Variants in DLGAP5 observed in about 807,000 individuals in gnomAD.
DLGAP5 encodes disks large-associated protein 5.
DLGAP5 carries 90 observed loss-of-function variants against 99.6 expected under a neutral mutation model. The observed-to-expected ratio is 0.90, with a 90% CI of 0.76 to 1.08. DLGAP5 has a LOEUF of 1.08. Among genes scored for constraint, DLGAP5 ranks in the 50% least tolerant of loss-of-function variants. The pLI, the probability that DLGAP5 is intolerant of heterozygous loss-of-function variation, is 0.00. For synonymous variants in DLGAP5, 311 were observed against 321.3 expected, an observed-to-expected ratio of 0.97 and a Z score of 0.34; for missense variants, 1,036 against 983.5, an observed-to-expected ratio of 1.05 and a Z score of -0.71.
intron 10 of DLGAP5, among the ~76,000 whole-genome samples, chr14:55,172,242 C>T (rs1242971836): frequency 6.7e-6 from 1 of 148,788 alleles, no homozygotes. Context: ...CCAGCCAGCA[C>T]TTTGTGAGGC....
rs747757287 is a variant in DLGAP5, at chr14:55,151,735, A to G, written c.2328T>C (p.Asn776=). The G allele has an allele frequency of 3.1e-6, 5 of 1,613,782 alleles. No homozygotes were observed. The highest frequency in any genetic ancestry group is 1.7e-4 in the Middle Eastern group (1 of 6,056). The change falls in exon 17 of 19, where the codon AAT becomes AAC. Residue 776 remains asparagine (N), a synonymous_variant. Coordinates refer to ENST00000247191, the MANE Select transcript of DLGAP5 (RefSeq NM_014750.5). ...TAGTTTCCCCTTCTTCTAAGATGCT[A>G]TTTTGTGAAGCTGTATTTTTTTCAG... is the stretch of plus-strand genomic sequence containing the variant. ...SSPEKNTASQ[N]SILEEGETKI...
rs1348799347 is a variant in DLGAP5 at position 55,158,524 on chromosome 14, G to C, written c.1871C>G (p.Ser624Ter). The change falls in exon 14 of 19, where the codon TCA becomes TGA. Residue 624 changes from serine (S) to a stop codon, truncating the protein, a stop_gained and splice_region_variant. Coordinates refer to ENST00000247191, the MANE Select transcript of DLGAP5 (RefSeq NM_014750.5). LOFTEE classifies it high-confidence loss of function. ...ATAAAAAATCAAAAACAACTAACCT[G>C]AGAATAATTTAACAGGACTTTCAAC... Reference protein sequence around the residue: ...FRVESPVKLFSGLSVSSEGPS... With the variant: ...FRVESPVKLF 1 of 1,612,220 alleles carries C rather than the reference G, an allele frequency of 6.2e-7. No individual in the cohort carries two copies. Among genetic ancestry groups the C allele is most frequent in the East Asian group, 2.2e-5 (1 of 44,824 alleles).
At chr14:55,186,169 G>A (rs952017357) in intron 2 of DLGAP5, among the ~76,000 whole-genome samples, 5 of 152,188 alleles carry the variant, frequency 3.3e-5, no homozygotes, top group Non-Finnish European at 5.9e-5. Flanking sequence ...ACTCAGGAAG[G>A]CTGAGGCAGG....
At chr14:55,174,903 A>ATG (rs1883003711) in intron 10 of DLGAP5, among the ~76,000 whole-genome samples, 1 of 152,108 alleles carries the variant, frequency 6.6e-6, no homozygotes, top group African/African-American at 2.4e-5. Flanking sequence ...GTTAGACAGG[A>ATG]TGGTCTCGAT....
Position 55,152,626 on chromosome 14 carries a change from C to T in DLGAP5, c.2085G>A (p.Gln695=). The change falls in exon 16 of 19, where the codon CAG becomes CAA. Residue 695 remains glutamine, a synonymous_variant. Coordinates refer to ENST00000247191, the MANE Select transcript of DLGAP5 (RefSeq NM_014750.5). ...CAATTAAATCTGGTAATCCAGGACA[C>T]TGAGCATCTTCTATGCTGCTCCTAA... ...PESRSSIEDA[Q]CPGLPDLIEE... 4 of 1,602,238 alleles carry T rather than the reference C, an allele frequency of 2.5e-6. No individual in the cohort carries two copies. Among genetic ancestry groups the T allele is most frequent in the Non-Finnish European group, 3.4e-6 (4 of 1,175,320 alleles).
chr14:55,155,804 AT>A (rs1008878380), intron 14 of DLGAP5, among the ~76,000 whole-genome samples: 1 of 151,562 alleles, frequency 6.6e-6, no homozygotes, highest in African/African-American at 2.4e-5. Context: ...AGAAAAATGA[AT>A]TGGCCGGGCG....
At chr14:55,161,880 A>G (rs1882453255) in intron 13 of DLGAP5, among the ~76,000 whole-genome samples, 2 of 133,578 alleles carry the variant, frequency 1.5e-5, no homozygotes, top group African/African-American at 5.0e-5. Flanking sequence ...GTCTCAAAAA[A>G]AAAAAAAAAA....
At chr14:55,190,492 C>G (rs142549872) in intron 1 of DLGAP5, among the ~76,000 whole-genome samples, 1 of 152,140 alleles carries the variant, frequency 6.6e-6, no homozygotes, top group Non-Finnish European at 1.5e-5. Flanking sequence ...AGAGAACTAC[C>G]AAGCCAAACT....
At chr14:55,174,828 C>G (rs757120974) in intron 10 of DLGAP5, among the ~76,000 whole-genome samples, 4 of 152,076 alleles carry the variant, frequency 2.6e-5, no homozygotes, top group Non-Finnish European at 4.4e-5. Context: ...GTAGCTGGGA[C>G]TACAGGCGTG....
rs2274271 is a variant in DLGAP5 at position 55,188,974 on chromosome 14, C to T, written c.206G>A (p.Gly69Glu). The T allele has an allele frequency of 0.14, 228,338 of 1,612,902 alleles. 32,793 individuals carry two copies. Among genetic ancestry groups the T allele is most frequent in the African/African-American group, 0.76 (56,849 of 74,798 alleles). ...AACATTGGTCTTTTCTGGAACAAGCCCTTGAGATGTCTCATCTAATTCAAC... is the reference window on the plus strand; with the variant it reads ...AACATTGGTCTTTTCTGGAACAAGCTCTTGAGATGTCTCATCTAATTCAAC... ...ILVELDETSQ[G>E]LVPEKTNVKP... The change falls in exon 2 of 19, where the codon GGG becomes GAG. Residue 69 changes from glycine to glutamate, a missense_variant. Transcript: ENST00000247191.
intron 10 of DLGAP5, among the ~76,000 whole-genome samples, chr14:55,171,845 A>G (rs1352558855): frequency 6.6e-6 from 1 of 152,232 alleles, no homozygotes; most frequent in Non-Finnish European, 1.5e-5. Context: ...ATGCTAAGTG[A>G]AATAAGCCAG....
At chr14:55,175,584 A>G (rs1883033013) in intron 9 of DLGAP5, 112 bp from the exon 10 acceptor site, 1 of 754,122 alleles carries the variant, frequency 1.3e-6, no homozygotes, top group African/African-American at 1.8e-5. Flanking sequence ...TTAAAATTTT[A>G]TTTCTGCCTC....
chr14:55,154,785 C>G lies in DLGAP5; in HGVS notation c.1895G>C (p.Gly632Ala). 1 of 1,613,908 alleles carries G rather than the reference C, an allele frequency of 6.2e-7. No homozygotes were observed. The highest frequency in any genetic ancestry group is 8.5e-7 in the Non-Finnish European group (1 of 1,179,978). Reference sequence around the variant, plus strand: ...AGGTGTTCCAAGTCTTTGAGAAGGGCCTTCAGAAGAGACAGAAAGTCCTAG... The same window carrying G: ...AGGTGTTCCAAGTCTTTGAGAAGGGGCTTCAGAAGAGACAGAAAGTCCTAG... ...LFSGLSVSSE[G>A]PSQRLGTPKS... Residue 632 changes from glycine (G) to alanine (A), a missense_variant, in exon 15 of 19, where the codon GGC (glycine) becomes GCC (alanine). By Grantham distance (60) the Gly-to-Ala change is moderately conservative. Coordinates refer to ENST00000247191, the MANE Select transcript of DLGAP5 (RefSeq NM_014750.5).
chr14:55,163,259 C>T lies in DLGAP5; in HGVS notation c.1549-184G>A, dbSNP rs141516806. 8.7e-3 allele frequency among the ~76,000 whole-genome samples: 1,321 copies of T among 152,214 alleles called. 20 individuals are homozygous for T. Among genetic ancestry groups the T allele is most frequent in the African/African-American group, 0.029 (1,214 of 41,522 alleles). On this transcript the variant is annotated intron_variant, in intron 12 of 18. Transcript: ENST00000247191. ...TATGGTAAAGTTTTTCATTATCTTTCGTCTTACAAACCTCCAAAATCTACA... is the reference window on the plus strand; with the variant it reads ...TATGGTAAAGTTTTTCATTATCTTTTGTCTTACAAACCTCCAAAATCTACA...
intron 17 of DLGAP5, 71 bp from the exon 18 acceptor site, chr14:55,150,919 C>T: frequency 9.6e-7 from 1 of 1,040,068 alleles, no homozygotes; most frequent in Non-Finnish European, 1.4e-6. Context: ...ATGGACAAAG[C>T]CATGAAAAAT....
chr14:55,152,215 T>A (rs903577944), intron 16 of DLGAP5, among the ~76,000 whole-genome samples: 18 of 152,188 alleles, frequency 1.2e-4, no homozygotes, highest in African/African-American at 4.3e-4. Context: ...ATAGTAAATA[T>A]TTTAGGTTTG....
At chr14:55,171,619 G>C (rs1034749132) in intron 10 of DLGAP5, among the ~76,000 whole-genome samples, 1 of 152,102 alleles carries the variant, frequency 6.6e-6, no homozygotes, top group African/African-American at 2.4e-5. Context: ...CTACTTCTGG[G>C]TATACACCCA....
chr14:55,148,376 GA>G lies in DLGAP5; in HGVS notation c.2515del (p.Ser839HisfsTer28). On this transcript the variant is annotated frameshift_variant, in exon 19 of 19. Coordinates refer to ENST00000247191, the MANE Select transcript of DLGAP5 (RefSeq NM_014750.5). LOFTEE classifies it high-confidence loss of function. ...ISFGGNLITF[S>X]PLQPGEF is the part of the protein sequence containing the mutation. ...TCAAAATTCTCCTGGTTGTAGAGGT[GA>G]AAAAGTAATCAGGTTACCACCAAAA... 1 of 1,613,966 alleles carries G rather than the reference GA, an allele frequency of 6.2e-7. No individual in the cohort carries two copies. Among genetic ancestry groups the G allele is most frequent in the Non-Finnish European group, 8.5e-7 (1 of 1,179,938 alleles).
chr14:55,176,707 G>C (rs1456104163), intron 8 of DLGAP5, among the ~76,000 whole-genome samples: 1 of 152,048 alleles, frequency 6.6e-6, no homozygotes, highest in South Asian at 2.1e-4. Flanking sequence ...GGCCGGGCGC[G>C]GTGGCTCACG....
Sources: allele counts gnomAD v4.1 joint callset (sites outside exome capture counted in the v4.1 genomes callset), GRCh38; gene constraint gnomAD v4.1.1; transcripts MANE v1.5; gene names NCBI Gene and HGNC (gene_info 2026-07-23, HGNC 2026-07-21).